Variants in SPATS2L observed in about 807,000 individuals in gnomAD.
SPATS2L encodes SPATS2-like protein.
In SPATS2L, 30 loss-of-function variants were observed where a neutral mutation model predicts 59.6. The ratio of observed to expected loss-of-function variants is 0.50; its 90% confidence interval spans 0.38 to 0.68. The LOEUF (loss-of-function observed/expected upper bound fraction) is 0.68. Ranked by LOEUF, SPATS2L falls within the 30% of genes least tolerant of loss-of-function variation. The pLI, the probability that SPATS2L is intolerant of heterozygous loss-of-function variation, is 0.00. For synonymous variants in SPATS2L, 252 were observed against 263.5 expected (o/e 0.96, Z 0.42); for missense variants, 615 against 700.0 (o/e 0.88, Z 1.37).
chr2:200,307,647 G>T (rs2079069429), intron 1 of SPATS2L, among the ~76,000 whole-genome samples: 1 of 152,246 alleles, frequency 6.6e-6, no homozygotes, highest in Non-Finnish European at 1.5e-5. Context: ...GCTCGCGCTG[G>T]ACGCCGGCGC....
In SPATS2L at chr2:200,468,788, C is replaced by A. The variant is rs79778833; in HGVS notation, c.958-1126C>A. On this transcript the variant is annotated intron_variant, in intron 10 of 12. Transcript: ENST00000409140. Reference sequence around the variant, plus strand: ...CTTCCCCTCAGAAAGAAATTCACAGCTGGACTTCAATATATGTTCCAACTT... The same window carrying A: ...CTTCCCCTCAGAAAGAAATTCACAGATGGACTTCAATATATGTTCCAACTT... 1.8e-3 allele frequency among the ~76,000 whole-genome samples: 278 copies of A among 152,354 alleles called. 1 individual carries two copies. The highest frequency in any genetic ancestry group is 3.4e-3 in the Non-Finnish European group (233 of 68,032).
In SPATS2L at chr2:200,438,175, A is replaced by T. The variant is rs10497861; in HGVS notation, c.446-947A>T. 1.7e-4 allele frequency among the ~76,000 whole-genome samples: 26 copies of T among 152,290 alleles called. No homozygotes were observed. The East Asian group carries it at 4.4e-3, about 26-fold the overall frequency. On this transcript the variant is annotated intron_variant, in intron 6 of 12. Transcript: ENST00000409140. ...TCTGAAAAGGCTGGGTTTTACAAAG[A>T]TGACTGTGTTCTGTTTGAGTGCAAG...
At position 200,466,975 on chromosome 2, in the gene SPATS2L, G is replaced by T. The variant is rs974430851; in HGVS notation, c.848-315G>T. ...TAAGTGTTGTTTTTCAGAGATCGTT[G>T]TTCGGAGTAACAAATTTCAAAAGTC... On this transcript the variant is annotated intron_variant, in intron 9 of 12. Transcript: ENST00000409140. Among the ~76,000 whole-genome samples the T allele has an allele frequency of 5.3e-5, 8 of 152,314 alleles. No homozygotes were observed. The Middle Eastern group carries it at 0.01, about 194-fold the overall frequency.
intron 3 of SPATS2L, among the ~76,000 whole-genome samples, chr2:200,400,812 A>G (rs1011953084): frequency 6.6e-6 from 1 of 152,246 alleles, no homozygotes; most frequent in Non-Finnish European, 1.5e-5. Context: ...CTGTTAAATA[A>G]ATTTGCTTTT....
chr2:200,465,843 T>C (rs945049768), intron 9 of SPATS2L, among the ~76,000 whole-genome samples: 5 of 152,160 alleles, frequency 3.3e-5, no homozygotes, highest in African/African-American at 1.2e-4. Flanking sequence ...CCACCATGGC[T>C]AACATGGTGA....
intron 2 of SPATS2L, among the ~76,000 whole-genome samples, chr2:200,356,480 A>C (rs1227406123): frequency 6.6e-6 from 1 of 152,236 alleles, no homozygotes; most frequent in Non-Finnish European, 1.5e-5. Context: ...ATAAGTGTTT[A>C]GCTTAGAAGG....
intron 6 of SPATS2L, among the ~76,000 whole-genome samples, chr2:200,437,779 A>G (rs934113579): frequency 1.3e-5 from 2 of 152,190 alleles, no homozygotes; most frequent in Admixed American, 6.6e-5. Context: ...AATTATATTG[A>G]TCATGAATGG....
chr2:200,473,402 G>A (rs1286571037), intron 12 of SPATS2L, among the ~76,000 whole-genome samples: 1 of 152,192 alleles, frequency 6.6e-6, no homozygotes, highest in Non-Finnish European at 1.5e-5. Context: ...GGGACCCACA[G>A]AGACTCTGGA....
chr2:200,447,517 C>T (rs1574590873), intron 8 of SPATS2L, among the ~76,000 whole-genome samples: 1 of 152,104 alleles, frequency 6.6e-6, no homozygotes, highest in Non-Finnish European at 1.5e-5. Context: ...CGAAACAGGT[C>T]CTAGAATCAG....
At chr2:200,408,783 T>TA (rs2082774619) in intron 3 of SPATS2L, among the ~76,000 whole-genome samples, 1 of 152,216 alleles carries the variant, frequency 6.6e-6, no homozygotes, top group Non-Finnish European at 1.5e-5. Context: ...TGAGGCGCCA[T>TA]GGGGCAGAGC....
intron 2 of SPATS2L, among the ~76,000 whole-genome samples, chr2:200,352,668 A>T (rs530469687): frequency 2.1e-4 from 32 of 152,192 alleles, no homozygotes; most frequent in South Asian, 4.1e-4. Flanking sequence ...TATAGGAAAA[A>T]TCAGGTAGAC....
At chr2:200,362,176 A>G (rs1228562338) in intron 2 of SPATS2L, among the ~76,000 whole-genome samples, 2 of 152,192 alleles carry the variant, frequency 1.3e-5, no homozygotes, top group African/African-American at 4.8e-5. Flanking sequence ...GATCCTGGGA[A>G]GTTGAGGCTG....
intron 2 of SPATS2L, 127 bp downstream of exon 2, chr2:200,329,607 C>A: frequency 1.3e-6 from 1 of 758,344 alleles, no homozygotes; most frequent in Non-Finnish European, 2.2e-6. Flanking sequence ...CCTCTCAGGG[C>A]TCAACACCAG....
intron 4 of SPATS2L, 104 bp downstream of exon 4, chr2:200,412,523 T>C: frequency 1.7e-6 from 1 of 573,110 alleles, no homozygotes; most frequent in Non-Finnish European, 2.9e-6. Context: ...TTATGTGTAC[T>C]TTAGGTCTCA....
intron 2 of SPATS2L, among the ~76,000 whole-genome samples, chr2:200,364,383 T>TATTTTC (rs2081201184): frequency 6.6e-6 from 1 of 152,136 alleles, no homozygotes; most frequent in Admixed American, 6.5e-5. Context: ...GAGAAGTACT[T>TATTTTC]AGCATAGGGA....
At chr2:200,412,496 A>T in intron 4 of SPATS2L, 77 bp downstream of exon 4, 1 of 772,620 alleles carries the variant, frequency 1.3e-6, no homozygotes, top group Admixed American at 3.0e-5. Context: ...TCCTTAAATG[A>T]ACTGAATATC....
At chr2:200,421,564 G>A (rs973014853) in intron 6 of SPATS2L, among the ~76,000 whole-genome samples, 1 of 152,178 alleles carries the variant, frequency 6.6e-6, no homozygotes, top group Non-Finnish European at 1.5e-5. Flanking sequence ...TGCTCACAAA[G>A]CACAAATTTT....
At chr2:200,372,341 A>G (rs1308533214) in intron 2 of SPATS2L, 1 of 241,682 alleles carries the variant, frequency 4.1e-6, no homozygotes, top group African/African-American at 2.3e-5. Context: ...ACTACCTCCC[A>G]GGACAGCTTC....
At chr2:200,306,551 G>T, upstream of SPATS2L, 2 of 1,002,418 alleles carry the variant, frequency 2.0e-6, no homozygotes, top group Non-Finnish European at 2.4e-6. Context: ...CGTGAGCAGC[G>T]CTGTGTTTGC....
Sources: gnomAD v4.1 joint callset for allele counts (sites outside exome capture counted in the v4.1 genomes callset) on GRCh38, gnomAD v4.1.1 for gene constraint, MANE v1.5 for transcripts, NCBI Gene and HGNC (gene_info 2026-07-23, HGNC 2026-07-21) for gene names.